The following MTRF1 variants were observed in gnomAD, a reference collection of about 807,000 sequenced individuals.
MTRF1 encodes the protein peptide chain release factor 1, mitochondrial.
A neutral mutation model predicts 62.9 loss-of-function variants in MTRF1; 51 were observed. That is an observed-to-expected ratio of 0.81 (90% CI 0.65 to 1.02). MTRF1 has a LOEUF of 1.02. Ranked by LOEUF, MTRF1 falls within the 50% of genes least tolerant of loss-of-function variation. The probability of loss-of-function intolerance (pLI) is 0.00; values close to 1 mark genes in which losing one functional copy is unlikely to be tolerated. For missense variants in MTRF1, 446 were observed against 530.0 expected, an observed-to-expected ratio of 0.84 and a Z score of 1.56; for synonymous variants, 158 against 181.9, an observed-to-expected ratio of 0.87 and a Z score of 1.06.
At chr13:41,277,598 C>T in the MTRF1 span, among the ~76,000 whole-genome samples, 3 of 152,156 alleles carry the variant, frequency 2.0e-5, no homozygotes, top group Non-Finnish European at 4.4e-5. Flanking sequence ...TTTATGTCCT[C>T]TTCAGGAGCA....
chr13:41,301,228 C>T, the MTRF1 span, among the ~76,000 whole-genome samples: 11 of 152,136 alleles, frequency 7.2e-5, no homozygotes, highest in Admixed American at 7.2e-4. Flanking sequence ...TCTGCATTCA[C>T]CAGGGGATAG....
chr13:41,272,159 G>C, the MTRF1 span, among the ~76,000 whole-genome samples: 1 of 152,126 alleles, frequency 6.6e-6, no homozygotes, highest in Non-Finnish European at 1.5e-5. Context: ...TGAGACCTAA[G>C]AACAATCTGC....
intron 9 of MTRF1, among the ~76,000 whole-genome samples, chr13:41,221,433 C>T (rs1440303518): frequency 6.6e-6 from 1 of 152,110 alleles, no homozygotes; most frequent in African/African-American, 2.4e-5. Context: ...GCGGGGATTA[C>T]AGGCGTGAGC....
chr13:41,250,376 T>C (rs1257209113), intron 5 of MTRF1, among the ~76,000 whole-genome samples: 1 of 152,178 alleles, frequency 6.6e-6, no homozygotes, highest in Non-Finnish European at 1.5e-5. Flanking sequence ...CTCTATAGAC[T>C]CTCCCTCACT....
intron 9 of MTRF1, among the ~76,000 whole-genome samples, chr13:41,221,712 C>A (rs2033404387): frequency 6.6e-6 from 1 of 152,144 alleles, no homozygotes; most frequent in South Asian, 2.1e-4. Flanking sequence ...ACTACAGAAG[C>A]CAGTTAGTTA....
chr13:41,242,059 A>G (rs1416568521), intron 5 of MTRF1, among the ~76,000 whole-genome samples: 1 of 152,226 alleles, frequency 6.6e-6, no homozygotes, highest in African/African-American at 2.4e-5. Context: ...ATGGTGATAC[A>G]ATTACATAGG....
In MTRF1 at chr13:41,260,664, G is replaced by A; in HGVS notation, c.244C>T (p.Leu82=). Residue 82 remains leucine (L), a synonymous_variant, in exon 2 of 10, where the codon CTG becomes TTG. Coordinates refer to ENST00000379480, the MANE Select transcript of MTRF1 (RefSeq NM_004294.4). ...TCAAGTGTTTGGTACTCCTTACTCA[G>A]GTTCTCCATATATTTCTGTAGTGCT... ...HKALQKYMEN[L]SKEYQTLEQC... 6.2e-7 allele frequency: 1 copy of A among 1,614,146 alleles called. No homozygotes were observed. The highest frequency in any genetic ancestry group is 8.5e-7 in the Non-Finnish European group (1 of 1,180,028).
At chr13:41,256,301 T>C (rs1244727413) in intron 2 of MTRF1, among the ~76,000 whole-genome samples, 1 of 151,530 alleles carries the variant, frequency 6.6e-6, no homozygotes, top group East Asian at 1.9e-4. Context: ...TCAGAACTAA[T>C]TCTAATTACA....
At chr13:41,269,185 G>GTTTT in the MTRF1 span, among the ~76,000 whole-genome samples, 5,813 of 96,080 alleles carry the variant, frequency 0.061, 205 homozygotes, top group Non-Finnish European at 0.085. Context: ...CTTTTACCTT[G>GTTTT]TTTTTTTTTT....
At position 41,260,805 on chromosome 13, in the gene MTRF1, G is replaced by A; in HGVS notation, c.103C>T (p.Leu35Phe). The A allele has an allele frequency of 1.2e-6, 2 of 1,614,096 alleles. No homozygotes were observed. Among genetic ancestry groups the A allele is most frequent in the African/African-American group, 1.3e-5 (1 of 75,044 alleles). Residue 35 changes from leucine to phenylalanine, a missense_variant, in exon 2 of 10, where the codon CTT (leucine) becomes TTT (phenylalanine). Transcript: ENST00000379480. The part of the protein sequence containing the change: ...LHSHQFRQIH[L>F]DTRLQVFRQN... ...CTAAAAACTTGCAGCCTTGTATCAA[G>A]ATGTATCTGTCTAAATTGATGAGAA... is the stretch of plus-strand genomic sequence containing the variant.
chr13:41,245,170 CT>C (rs1467790281), intron 5 of MTRF1, among the ~76,000 whole-genome samples: 1 of 150,962 alleles, frequency 6.6e-6, no homozygotes, highest in Non-Finnish European at 1.5e-5. Context: ...AATGATTTTT[CT>C]TTGCTTTCTA....
At chr13:41,242,238 TA>T (rs1370713201) in intron 5 of MTRF1, among the ~76,000 whole-genome samples, 1 of 152,246 alleles carries the variant, frequency 6.6e-6, no homozygotes, top group Admixed American at 6.5e-5. Context: ...CTAGCACGTT[TA>T]AATCAAGCAC....
chr13:41,305,403 T>A, the MTRF1 span, among the ~76,000 whole-genome samples: 2 of 152,206 alleles, frequency 1.3e-5, no homozygotes, highest in Non-Finnish European at 2.9e-5. Context: ...GTAACTTGCC[T>A]TCTGAAAATG....
At chr13:41,289,831 C>T in the MTRF1 span, among the ~76,000 whole-genome samples, 6 of 152,154 alleles carry the variant, frequency 3.9e-5, 1 homozygote, top group African/African-American at 1.2e-4. Flanking sequence ...CCACACATTG[C>T]ACAACCAACG....
the MTRF1 span, among the ~76,000 whole-genome samples, chr13:41,276,841 T>C: frequency 6.6e-6 from 1 of 152,178 alleles, no homozygotes; most frequent in Non-Finnish European, 1.5e-5. Context: ...ATCACTATTG[T>C]AGAACCTATT....
chr13:41,263,400 T>C (rs964030972), intron 1 of MTRF1, 85 bp downstream of exon 1: 24 of 759,826 alleles, frequency 3.2e-5, no homozygotes, highest in African/African-American at 3.1e-4. Flanking sequence ...GGGCAAACCA[T>C]GCTGTGTAAC....
chr13:41,288,127 A>C, the MTRF1 span: 1 of 506,478 alleles, frequency 2.0e-6, no homozygotes, highest in Non-Finnish European at 4.0e-6. Flanking sequence ...ATAATCTGTC[A>C]TAATCTTCTT....
At chr13:41,222,494 T>C (rs1593563453) in intron 9 of MTRF1, among the ~76,000 whole-genome samples, 1 of 152,152 alleles carries the variant, frequency 6.6e-6, no homozygotes, top group Non-Finnish European at 1.5e-5. Context: ...GGAGTATCAT[T>C]CTAGTGCCTA....
At chr13:41,311,567 C>G in the MTRF1 span, 1 of 1,608,752 alleles carries the variant, frequency 6.2e-7, no homozygotes, top group Non-Finnish European at 8.5e-7. Flanking sequence ...AGAGCAACCT[C>G]TTCAAACGCA....
Sources: gnomAD v4.1 joint callset for allele counts (sites outside exome capture counted in the v4.1 genomes callset) on GRCh38, gnomAD v4.1.1 for gene constraint, MANE v1.5 for transcripts, NCBI Gene and HGNC (gene_info 2026-07-23, HGNC 2026-07-21) for gene names.